UBXN10: variants seen among roughly 807,000 people sequenced by gnomAD.
UBXN10 encodes UBX domain protein 10.
Under a neutral mutation model 6.9 loss-of-function variants are expected in UBXN10, and 6 were observed. The observed-to-expected ratio is 0.87, with a 90% confidence interval of 0.48 to 1.72. The LOEUF (loss-of-function observed/expected upper bound fraction) is 1.72, where lower values mean the gene tolerates loss of function less well. Among genes scored for constraint, UBXN10 ranks in the 40% most tolerant of loss-of-function variants. UBXN10 has a pLI of 0.01. For missense variants in UBXN10, 317 were observed against 348.4 expected, an observed-to-expected ratio of 0.91 and a Z score of 0.72; for synonymous variants, 131 against 135.2, an observed-to-expected ratio of 0.97 and a Z score of 0.21.
chr1:20,189,513 T>C (rs1557793182), intron 1 of UBXN10, among the ~76,000 whole-genome samples: 1 of 152,114 alleles, frequency 6.6e-6, no homozygotes, highest in East Asian at 1.9e-4. Context: ...AGTTCATTGC[T>C]CCTGGTGGAT....
chr1:20,193,004 A>G lies in UBXN10; in HGVS notation c.*1600A>G, dbSNP rs41264519. 2,657 of 167,246 alleles carry G rather than the reference A, an allele frequency of 0.016. 35 individuals carry two copies. The highest frequency in any genetic ancestry group is 0.03 in the Middle Eastern group (9 of 296). 10.4% of individuals were successfully genotyped at this position (167,246 alleles called of 1,614,324 possible). On this transcript the variant is annotated 3_prime_UTR_variant, in exon 2 of 2. Coordinates refer to ENST00000375099, the MANE Select transcript of UBXN10 (RefSeq NM_152376.5). The stretch of plus-strand genomic sequence containing the variant: ...TAATACCATCCTGGTTTGGTCAGCC[A>G]TTCCTTTGATTGGAAAGGTCAGCTG...
rs1196380306 is a variant in UBXN10, at chr1:20,191,241, T to C, written c.680T>C (p.Val227Ala). The C allele has an allele frequency of 1.2e-6, 2 of 1,614,110 alleles. No individual in the cohort carries two copies. The highest frequency in any genetic ancestry group is 8.5e-7 in the Non-Finnish European group (1 of 1,180,050). ...PTDDLQTIVA[V>A]AEQKNKTSYR... is the part of the protein sequence containing the mutation. ...GATGATTTGCAAACCATTGTTGCTG[T>C]GGCCGAACAGAAAAACAAAACCTCC... The change falls in exon 2 of 2, where the codon GTG (valine) becomes GCG (alanine). Residue 227 changes from valine to alanine, a missense_variant. Transcript: ENST00000375099. The surrounding 1 kb of genome is among the most constrained non-coding windows in gnomAD (Gnocchi z 4.5).
chr1:20,186,936 A>C lies in UBXN10; in HGVS notation c.-16+783A>C, dbSNP rs2018409851. Among the ~76,000 whole-genome samples, 4 of 152,108 alleles carry C rather than the reference A, an allele frequency of 2.6e-5. No homozygotes were observed. In the South Asian group the frequency reaches 8.3e-4, roughly 32 times the overall value. On this transcript the variant is annotated intron_variant, in intron 1 of 1. Transcript: ENST00000375099. ...GGATGGCAACGGATAGGATTAACTG[A>C]TACAGTTTTAAAAGACCAATTCAAA...
upstream of UBXN10, chr1:20,184,731 T>C (rs954757644): frequency 1.3e-5 from 2 of 152,364 alleles, no homozygotes; most frequent in Admixed American, 1.3e-4. Context: ...GAAGTTTCCA[T>C]ATGATGGCTT....
chr1:20,191,354 C>A lies in UBXN10; in HGVS notation c.793C>A (p.His265Asn). The change falls in exon 2 of 2, where the codon CAC becomes AAC. Residue 265 changes from histidine to asparagine, a missense_variant. Transcript: ENST00000375099. This position sits in a 1 kb window ranked among gnomAD's most constrained non-coding sequence, Gnocchi z 4.5. ...TKSLQECRIP[H>N]KSVLGISLED... The stretch of plus-strand genomic sequence containing the variant: ...ATCTCTGCAAGAGTGCAGAATCCCC[C>A]ACAAGTCTGTGCTGGGCATCTCACT... The A allele has an allele frequency of 6.2e-7, 1 of 1,614,096 alleles. No individual in the cohort carries two copies. Among genetic ancestry groups the A allele is most frequent in the Non-Finnish European group, 8.5e-7 (1 of 1,179,946 alleles).
chr1:20,190,753 A>T lies in UBXN10; in HGVS notation c.192A>T (p.Pro64=). The stretch of plus-strand genomic sequence containing the variant: ...TGGAGGTGTGCGCTCATCATATACC[A>T]TCTCCGCCTCCAGCCATTCCCTATG... ...QGVEVCAHHI[P]SPPPAIPYEL... Residue 64 remains proline, a synonymous_variant, in exon 2 of 2, where the codon CCA becomes CCT. Transcript: ENST00000375099. 1.2e-6 allele frequency: 2 copies of T among 1,613,936 alleles called. No individual in the cohort carries two copies. Among genetic ancestry groups the T allele is most frequent in the Non-Finnish European group, 1.7e-6 (2 of 1,180,028 alleles).
At position 20,195,608 on chromosome 1, in the gene UBXN10, AAAAC is replaced by A. The variant is rs1239729882; in HGVS notation, c.*4211_*4214del. On this transcript the variant is annotated 3_prime_UTR_variant, in exon 2 of 2. Coordinates refer to ENST00000375099, the MANE Select transcript of UBXN10 (RefSeq NM_152376.5). ...ATCGCCAACGTGGATTGTTTCTGCA[AAAAC>A]AAACAAGCAAACAACCACCACGGCA... 7.2e-5 allele frequency: 12 copies of A among 167,144 alleles called. No homozygotes were observed. Among genetic ancestry groups the A allele is most frequent in the Non-Finnish European group, 1.6e-4 (11 of 68,130 alleles). 10.4% of individuals were successfully genotyped at this position (167,144 alleles called of 1,614,324 possible).
chr1:20,186,646 G>T (rs2018401161), intron 1 of UBXN10, among the ~76,000 whole-genome samples: 1 of 152,224 alleles, frequency 6.6e-6, no homozygotes, highest in Non-Finnish European at 1.5e-5. Context: ...GCTGGAACTT[G>T]GACTTAATTG....
chr1:20,187,154 G>C lies in UBXN10; in HGVS notation c.-16+1001G>C, dbSNP rs1250148254. Among the ~76,000 whole-genome samples, 1 of 152,076 alleles carries C rather than the reference G, an allele frequency of 6.6e-6. No homozygotes were observed. The highest frequency in any genetic ancestry group is 1.5e-5 in the Non-Finnish European group (1 of 68,006). On this transcript the variant is annotated intron_variant, in intron 1 of 1. Coordinates refer to ENST00000375099, the MANE Select transcript of UBXN10 (RefSeq NM_152376.5). This position sits in a 1 kb window ranked among gnomAD's most constrained non-coding sequence, Gnocchi z 4.6. ...CATTTCCTTCTTTCCAGTTGATTTG[G>C]TGGTGAATCTTAAGGAATGGGCACC...
chr1:20,190,396 T>C (rs2018470147), intron 1 of UBXN10, among the ~76,000 whole-genome samples, 151 bp from the exon 2 acceptor site: 1 of 152,208 alleles, frequency 6.6e-6, no homozygotes, highest in Non-Finnish European at 1.5e-5. Flanking sequence ...AATAAATGAA[T>C]GCATGCCTGA....
chr1:20,183,489 A>G (rs760154994), upstream of UBXN10, among the ~76,000 whole-genome samples: 5 of 152,264 alleles, frequency 3.3e-5, no homozygotes, highest in East Asian at 3.9e-4. Flanking sequence ...ACCAGGGGGA[A>G]CCCTGAGGCT....
At position 20,190,921 on chromosome 1, in the gene UBXN10, C is replaced by T. The variant is rs1335470808; in HGVS notation, c.360C>T (p.Ile120=). 6.2e-7 allele frequency: 1 copy of T among 1,614,020 alleles called. No individual in the cohort carries two copies. Among genetic ancestry groups the T allele is most frequent in the Non-Finnish European group, 8.5e-7 (1 of 1,180,046 alleles). Residue 120 remains isoleucine (I), a synonymous_variant, in exon 2 of 2, where the codon ATC becomes ATT. Transcript: ENST00000375099. ...ATAAGTATCCAGTCCTTCCTTCCAT[C>T]AACAGAAAGAACCTGGAGGAGGAGG... ...SLNKYPVLPS[I]NRKNLEEEAV...
In UBXN10 at chr1:20,187,041, G is replaced by A. The variant is rs887918030; in HGVS notation, c.-16+888G>A. 2.6e-5 allele frequency among the ~76,000 whole-genome samples: 4 copies of A among 152,206 alleles called. No individual in the cohort carries two copies. Among genetic ancestry groups the A allele is most frequent in the Non-Finnish European group, 2.9e-5 (2 of 68,032 alleles). On this transcript the variant is annotated intron_variant, in intron 1 of 1. Coordinates refer to ENST00000375099, the MANE Select transcript of UBXN10 (RefSeq NM_152376.5). The surrounding 1 kb of genome is among the most constrained non-coding windows in gnomAD (Gnocchi z 4.6). The stretch of plus-strand genomic sequence containing the variant: ...GCATATACTGTAGGCTTAGATTTGG[G>A]TTGTGAGTGAAATAGGGTGGTCTGA...
chr1:20,183,425 G>A (rs923862090), upstream of UBXN10, among the ~76,000 whole-genome samples: 3 of 152,180 alleles, frequency 2.0e-5, no homozygotes, highest in Non-Finnish European at 4.4e-5. Context: ...GGGGTCCAGG[G>A]TGGGCTTTGG....
chr1:20,190,407 A>G (rs2100734849), intron 1 of UBXN10, 140 bp from the exon 2 acceptor site: 2 of 1,084,634 alleles, frequency 1.8e-6, no homozygotes, highest in East Asian at 4.8e-5. Flanking sequence ...GCATGCCTGA[A>G]TGAATAAATT....
rs779476845 is a variant in UBXN10 at position 20,191,233 on chromosome 1, T to C, written c.672T>C (p.Ile224=). Residue 224 remains isoleucine (I), a synonymous_variant, in exon 2 of 2, where the codon ATT becomes ATC. Transcript: ENST00000375099. This position sits in a 1 kb window ranked among gnomAD's most constrained non-coding sequence, Gnocchi z 4.5. ...GGCCAACAGATGATTTGCAAACCAT[T>C]GTTGCTGTGGCCGAACAGAAAAACA... ...HFRPTDDLQT[I]VAVAEQKNKT... is the part of the protein sequence containing the mutation. 1 of 1,614,070 alleles carries C rather than the reference T, an allele frequency of 6.2e-7. No individual in the cohort carries two copies. Among genetic ancestry groups the C allele is most frequent in the Admixed American group, 1.7e-5 (1 of 60,008 alleles).
At chr1:20,185,331 G>C (rs1486475525), upstream of UBXN10, among the ~76,000 whole-genome samples, 1 of 152,186 alleles carries the variant, frequency 6.6e-6, no homozygotes, top group East Asian at 1.9e-4. Flanking sequence ...TCATCAGATG[G>C]AAGGAGAGTA....
intron 1 of UBXN10, among the ~76,000 whole-genome samples, chr1:20,186,910 G>A (rs1364040928): frequency 6.6e-6 from 1 of 151,098 alleles, no homozygotes; most frequent in Non-Finnish European, 1.5e-5. Flanking sequence ...TGGGGGGGGC[G>A]GGATGGCAAC....
chr1:20,190,197 C>G (rs2018465294), intron 1 of UBXN10, among the ~76,000 whole-genome samples: 1 of 152,006 alleles, frequency 6.6e-6, no homozygotes, highest in African/African-American at 2.4e-5. Flanking sequence ...AAACTTCCCC[C>G]CTCCTAAAAG....
Sources: allele counts gnomAD v4.1 joint callset (sites outside exome capture counted in the v4.1 genomes callset), GRCh38; gene constraint gnomAD v4.1.1; non-coding constraint Gnocchi (gnomAD v3.1); transcripts MANE v1.5; gene names NCBI Gene and HGNC (gene_info 2026-07-23, HGNC 2026-07-21).